LRRIQ4: variants seen among roughly 807,000 people sequenced by gnomAD.
The protein encoded by LRRIQ4 is leucine rich repeats and IQ motif containing 4, also known as leucine-rich repeat and IQ domain-containing protein 4.
LRRIQ4 carries 21 observed loss-of-function variants against 40.1 expected under a neutral mutation model. The ratio of observed to expected loss-of-function variants is 0.52; its 90% confidence interval spans 0.37 to 0.75. The LOEUF (loss-of-function observed/expected upper bound fraction) is 0.75, where lower values mean the gene tolerates loss of function less well. LRRIQ4 is among the 30% of genes least tolerant of loss of function. The pLI is 0.00. For synonymous variants in LRRIQ4, 277 were observed against 277.1 expected (o/e 1.00, Z 0.00); for missense variants, 655 against 660.0 (o/e 0.99, Z 0.08).
At chr3:169,829,018 A>T in intron 3 of LRRIQ4, 86 bp downstream of exon 3, 1 of 1,201,876 alleles carries the variant, frequency 8.3e-7, no homozygotes, top group Middle Eastern at 2.0e-4. Flanking sequence ...AGGTCTCCAC[A>T]GGCTGGATGT....
intron 1 of LRRIQ4, among the ~76,000 whole-genome samples, chr3:169,814,634 C>G (rs1346488600): frequency 6.6e-6 from 1 of 152,078 alleles, no homozygotes; most frequent in Non-Finnish European, 1.5e-5. Context: ...TACAGGCGCC[C>G]CCCACTACGC....
intron 3 of LRRIQ4, 107 bp downstream of exon 3, chr3:169,829,039 A>T: frequency 1.0e-6 from 1 of 995,904 alleles, no homozygotes; most frequent in Non-Finnish European, 1.5e-6. Flanking sequence ...AGAATCATCC[A>T]TACTAGATTT....
At chr3:169,832,186 T>C (rs1377604291) in intron 4 of LRRIQ4, among the ~76,000 whole-genome samples, 1 of 151,144 alleles carries the variant, frequency 6.6e-6, no homozygotes, top group Non-Finnish European at 1.5e-5. Flanking sequence ...AAAGAAGTTG[T>C]AGGCCAGGCG....
chr3:169,814,296 C>A (rs1326714390), intron 1 of LRRIQ4, among the ~76,000 whole-genome samples: 1 of 152,014 alleles, frequency 6.6e-6, no homozygotes, highest in Non-Finnish European at 1.5e-5. Flanking sequence ...ACTGCCCTGG[C>A]CAAATTCCCC....
chr3:169,813,640 A>G (rs1184289161), intron 1 of LRRIQ4, among the ~76,000 whole-genome samples: 1 of 152,202 alleles, frequency 6.6e-6, no homozygotes, highest in Non-Finnish European at 1.5e-5. Context: ...GGCGTACTCT[A>G]AGTAACCAAT....
At chr3:169,816,520 T>C (rs1779772927) in intron 1 of LRRIQ4, among the ~76,000 whole-genome samples, 1 of 152,084 alleles carries the variant, frequency 6.6e-6, no homozygotes, top group Non-Finnish European at 1.5e-5. Context: ...ATTTATTGGA[T>C]CTTCTCTCTT....
chr3:169,826,114 A>G (rs985904790), intron 2 of LRRIQ4, among the ~76,000 whole-genome samples: 1 of 152,140 alleles, frequency 6.6e-6, no homozygotes, highest in African/African-American at 2.4e-5. Context: ...AAAGCAGGCC[A>G]CGTGCGGTGA....
In LRRIQ4 at chr3:169,833,048, C is replaced by T. The variant is rs767481838; in HGVS notation, c.1395C>T (p.Ser465=). The change falls in exon 5 of 6, where the codon TCC becomes TCT. Residue 465 remains serine, a synonymous_variant. Transcript: ENST00000340806. Reference sequence around the variant, plus strand: ...CCCATCTTCCAGAGAATTTGGATTCCCTAGTGAATCTTAAGGTTCTGACAC... The same window carrying T: ...CCCATCTTCCAGAGAATTTGGATTCTCTAGTGAATCTTAAGGTTCTGACAC... ...LLTHLPENLD[S]LVNLKVLTLM... is the part of the protein sequence containing the mutation. The T allele has an allele frequency of 1.2e-6, 2 of 1,613,864 alleles. No homozygotes were observed. Among genetic ancestry groups the T allele is most frequent in the Non-Finnish European group, 1.7e-6 (2 of 1,179,834 alleles).
chr3:169,824,361 A>G (rs1345991626), intron 2 of LRRIQ4, among the ~76,000 whole-genome samples: 3 of 152,094 alleles, frequency 2.0e-5, no homozygotes, highest in African/African-American at 7.2e-5. Context: ...AAACCAAGAA[A>G]GCAAATGGGG....
intron 4 of LRRIQ4, among the ~76,000 whole-genome samples, chr3:169,831,239 A>G (rs1576769371): frequency 8.4e-6 from 1 of 118,896 alleles, no homozygotes; most frequent in Non-Finnish European, 1.8e-5. Context: ...GCTTATGCAC[A>G]TGTTTTCAAA....
chr3:169,830,407 A>AAAAAAAAAAAC (rs1576768566), intron 3 of LRRIQ4, 85 bp from the exon 4 acceptor site: 1 of 564,990 alleles, frequency 1.8e-6, no homozygotes, highest in Non-Finnish European at 2.5e-6. Context: ...AAAAAAAAAA[A>AAAAAAAAAAAC]AATGCATGAG....
Position 169,822,090 on chromosome 3 carries a change from A to C in LRRIQ4, c.169A>C (p.Asn57His). Residue 57 changes from asparagine to histidine, a missense_variant, in exon 2 of 6, where the codon AAT becomes CAT. Asn to His is a moderately conservative substitution (Grantham distance 68, BLOSUM62 1). Transcript: ENST00000340806. ...AGAATTAGAAGAAGTGCATTTGGAG[A>C]ATAACCAGATTGAAGAAATTCCCCA... Reference protein sequence around the residue: ...FTELEEVHLENNQIEEIPQEI... With the variant: ...FTELEEVHLEHNQIEEIPQEI... The C allele has an allele frequency of 6.2e-7, 1 of 1,609,920 alleles. No individual in the cohort carries two copies. Among genetic ancestry groups the C allele is most frequent in the Non-Finnish European group, 8.5e-7 (1 of 1,178,884 alleles).
chr3:169,824,220 A>G (rs764019689), intron 2 of LRRIQ4, among the ~76,000 whole-genome samples: 18 of 152,142 alleles, frequency 1.2e-4, no homozygotes, highest in Non-Finnish European at 2.2e-4. Flanking sequence ...AAGGAAGTCA[A>G]CAAAATAGGG....
At chr3:169,813,256 A>G (rs1779672723) in intron 1 of LRRIQ4, among the ~76,000 whole-genome samples, 1 of 152,212 alleles carries the variant, frequency 6.6e-6, no homozygotes, top group Non-Finnish European at 1.5e-5. Flanking sequence ...CTCCCCAACC[A>G]ACTAGAATCA....
At chr3:169,813,779 C>T (rs962431034) in intron 1 of LRRIQ4, among the ~76,000 whole-genome samples, 1 of 152,226 alleles carries the variant, frequency 6.6e-6, no homozygotes, top group Non-Finnish European at 1.5e-5. Flanking sequence ...TCCTTCCTTG[C>T]TTTGTGCGTT....
chr3:169,826,572 G>A (rs1484876552), intron 2 of LRRIQ4, among the ~76,000 whole-genome samples: 1 of 151,948 alleles, frequency 6.6e-6, no homozygotes, highest in Admixed American at 6.6e-5. Context: ...ACTAACTACT[G>A]GATCTTAAAT....
In LRRIQ4 at chr3:169,830,628, A is replaced by C. The variant is rs750645330; in HGVS notation, c.1331A>C (p.Gln444Pro). The change falls in exon 4 of 6, where the codon CAA becomes CCA. Residue 444 changes from glutamine to proline, a missense_variant and splice_region_variant. Transcript: ENST00000340806. ...KQLPDAICQA[Q>P]ALKELRLEDN... ...CTTCCAGATGCCATTTGCCAAGCACAAGGTGAGGAAACTTAGTAGATTCAC... is the reference window on the plus strand; with the variant it reads ...CTTCCAGATGCCATTTGCCAAGCACCAGGTGAGGAAACTTAGTAGATTCAC... 2 of 1,613,778 alleles carry C rather than the reference A, an allele frequency of 1.2e-6. No homozygotes were observed. The highest frequency in any genetic ancestry group is 1.7e-6 in the Non-Finnish European group (2 of 1,179,866).
intron 2 of LRRIQ4, among the ~76,000 whole-genome samples, chr3:169,827,697 G>C (rs1321808764): frequency 6.6e-6 from 1 of 151,784 alleles, no homozygotes; most frequent in African/African-American, 2.4e-5. Context: ...TAATGGTGAA[G>C]CTGATTTTGG....
At chr3:169,830,326 T>G (rs1474815452) in intron 3 of LRRIQ4, among the ~76,000 whole-genome samples, 166 bp from the exon 4 acceptor site, 1 of 140,390 alleles carries the variant, frequency 7.1e-6, no homozygotes, top group Non-Finnish European at 1.5e-5. Flanking sequence ...ATGATGGTCC[T>G]TTAGACATGC....
Sources: allele counts gnomAD v4.1 joint callset (sites outside exome capture counted in the v4.1 genomes callset), GRCh38; gene constraint gnomAD v4.1.1; transcripts MANE v1.5; gene names NCBI Gene and HGNC (gene_info 2026-07-23, HGNC 2026-07-21).